EDIL3: variants seen among roughly 807,000 people sequenced by gnomAD.
EDIL3 encodes EGF-like repeat and discoidin I-like domain-containing protein 3.
EDIL3 carries 37 observed loss-of-function variants against 67.4 expected under a neutral mutation model. The ratio of observed to expected loss-of-function variants is 0.55; its 90% CI spans 0.42 to 0.72. The LOEUF (loss-of-function observed/expected upper bound fraction) is 0.72. Among genes scored for constraint, EDIL3 ranks in the 30% least tolerant of loss-of-function variants. The pLI is 0.00. For synonymous variants in EDIL3, 195 were observed against 196.3 expected (o/e 0.99, Z 0.05); for missense variants, 527 against 586.3 (o/e 0.90, Z 1.04).
intron 2 of EDIL3, among the ~76,000 whole-genome samples, chr5:84,251,353 C>T (rs755945464): frequency 3.3e-5 from 5 of 151,318 alleles, no homozygotes; most frequent in Non-Finnish European, 5.9e-5. Flanking sequence ...CTTCGTGATC[C>T]GCCCACCTCG....
At chr5:84,360,992 A>C (rs931955086) in intron 1 of EDIL3, among the ~76,000 whole-genome samples, 7 of 152,120 alleles carry the variant, frequency 4.6e-5, no homozygotes, top group African/African-American at 1.7e-4. Context: ...AACATATTAA[A>C]TATTTTTCCA....
chr5:84,107,330 C>T (rs1181064384), intron 5 of EDIL3, among the ~76,000 whole-genome samples: 1 of 151,766 alleles, frequency 6.6e-6, no homozygotes, highest in East Asian at 1.9e-4. Context: ...TTATACCCAC[C>T]ATCAGTTATG....
chr5:83,984,167 A>G (rs1002467754), intron 9 of EDIL3, among the ~76,000 whole-genome samples: 1 of 152,094 alleles, frequency 6.6e-6, no homozygotes, highest in Non-Finnish European at 1.5e-5. Context: ...GAGTGAAAAA[A>G]GTCAGAAGAG....
intron 9 of EDIL3, among the ~76,000 whole-genome samples, chr5:84,016,978 G>T: frequency 6.6e-6 from 1 of 152,290 alleles, no homozygotes; most frequent in Admixed American, 6.5e-5. Context: ...TGTGCTACTT[G>T]GTAGCTCTGT....
At chr5:84,377,065 G>A (rs1206908884) in intron 1 of EDIL3, among the ~76,000 whole-genome samples, 2 of 152,160 alleles carry the variant, frequency 1.3e-5, no homozygotes, top group Admixed American at 1.3e-4. Context: ...GGTGGCTCAC[G>A]CCTGTAATCC....
intron 9 of EDIL3, among the ~76,000 whole-genome samples, chr5:83,969,466 G>A (rs956367226): frequency 3.3e-5 from 5 of 151,726 alleles, no homozygotes; most frequent in African/African-American, 7.2e-5. Flanking sequence ...ATAACATTCC[G>A]TATTGTGCGT....
At chr5:84,352,779 T>G (rs1195318496) in intron 1 of EDIL3, among the ~76,000 whole-genome samples, 2 of 152,094 alleles carry the variant, frequency 1.3e-5, no homozygotes, top group Non-Finnish European at 2.9e-5. Flanking sequence ...CTTATAGCCC[T>G]AAATCCATAA....
chr5:84,173,616 T>C (rs1748850678), intron 4 of EDIL3, among the ~76,000 whole-genome samples: 1 of 152,126 alleles, frequency 6.6e-6, no homozygotes, highest in South Asian at 2.1e-4. Context: ...CTGTGGAACA[T>C]GCAGGCAGAG....
chr5:84,052,743 C>G (rs1746365707), intron 9 of EDIL3, among the ~76,000 whole-genome samples: 4 of 152,194 alleles, frequency 2.6e-5, no homozygotes, highest in African/African-American at 9.7e-5. Flanking sequence ...GGAATCAATT[C>G]AACAAGAAGA....
intron 1 of EDIL3, among the ~76,000 whole-genome samples, chr5:84,334,975 AT>A (rs922246253): frequency 5.3e-5 from 8 of 151,910 alleles, no homozygotes; most frequent in Admixed American, 1.3e-4. Flanking sequence ...GACAGATATT[AT>A]TTTTTTTAAA....
chr5:84,179,063 T>C (rs1417382958), intron 4 of EDIL3, among the ~76,000 whole-genome samples: 1 of 152,200 alleles, frequency 6.6e-6, no homozygotes, highest in East Asian at 1.9e-4. Context: ...TATGAAGCTA[T>C]GAGAGAAAAG....
At position 84,332,992 on chromosome 5, in the gene EDIL3, T is replaced by C. The variant is rs1430092849; in HGVS notation, c.67+51316A>G. Among the ~76,000 whole-genome samples, 4 of 152,194 alleles carry C rather than the reference T, an allele frequency of 2.6e-5. No individual in the cohort carries two copies. In the East Asian group the frequency reaches 7.7e-4, roughly 29 times the overall value. On this transcript the variant is annotated intron_variant, in intron 1 of 10. Transcript: ENST00000296591. ...TAATCATGATCTCAAATAACAAAAATGTGCACTAACACATTCTATTTGTTT... is the reference window on the plus strand; with the variant it reads ...TAATCATGATCTCAAATAACAAAAACGTGCACTAACACATTCTATTTGTTT...
intron 9 of EDIL3, among the ~76,000 whole-genome samples, chr5:84,046,911 C>A (rs1201451870): frequency 6.6e-6 from 1 of 152,180 alleles, no homozygotes; most frequent in Non-Finnish European, 1.5e-5. Context: ...TAAGCAGAAG[C>A]ATTCAACATC....
chr5:84,257,505 A>G (rs1378898531), intron 1 of EDIL3, among the ~76,000 whole-genome samples: 1 of 152,176 alleles, frequency 6.6e-6, no homozygotes, highest in Non-Finnish European at 1.5e-5. Flanking sequence ...GATTTGAGAA[A>G]CATGTACAAG....
intron 3 of EDIL3, among the ~76,000 whole-genome samples, chr5:84,208,473 A>T (rs1744035053): frequency 6.6e-6 from 1 of 151,314 alleles, no homozygotes; most frequent in Non-Finnish European, 1.5e-5. Flanking sequence ...AGGTCAGGAG[A>T]TCGAGACCAT....
intron 10 of EDIL3, among the ~76,000 whole-genome samples, chr5:83,962,870 T>G (rs1235982681): frequency 2.0e-5 from 3 of 151,812 alleles, no homozygotes; most frequent in East Asian, 1.9e-4. Context: ...GCATATATTC[T>G]AGCAATAACT....
chr5:83,971,195 G>T (rs1018950498), intron 9 of EDIL3, among the ~76,000 whole-genome samples: 7 of 150,930 alleles, frequency 4.6e-5, no homozygotes, highest in Non-Finnish European at 7.4e-5. Flanking sequence ...GAAAAATATA[G>T]CACCTCTCTT....
intron 4 of EDIL3, among the ~76,000 whole-genome samples, chr5:84,174,199 C>T (rs1748861054): frequency 3.9e-5 from 6 of 152,186 alleles, no homozygotes; most frequent in Admixed American, 3.3e-4. Context: ...TAAAGAGCCT[C>T]AGGCTCAGTT....
chr5:84,196,895 G>A (rs993377412), intron 3 of EDIL3: 1 of 151,892 alleles, frequency 6.6e-6, no homozygotes, highest in African/African-American at 2.4e-5. Flanking sequence ...GCTGGCTTTG[G>A]ATGCACATAT....
Sources: gnomAD v4.1 joint callset for allele counts (sites outside exome capture counted in the v4.1 genomes callset) on GRCh38, gnomAD v4.1.1 for gene constraint, MANE v1.5 for transcripts, NCBI Gene and HGNC (gene_info 2026-07-23, HGNC 2026-07-21) for gene names.